PCDH9: variants seen among roughly 807,000 people sequenced by gnomAD.
PCDH9 encodes the protein protocadherin-9.
In PCDH9, 24 loss-of-function variants were observed where a neutral mutation model predicts 70.6. The observed-to-expected ratio is 0.34, with a 90% CI of 0.25 to 0.48. The LOEUF is 0.48. Among genes scored for constraint, PCDH9 ranks in the 20% least tolerant of loss-of-function variants. PCDH9 has a pLI of 0.99. For missense variants in PCDH9, 1,281 were observed against 1,503.6 expected (o/e 0.85, Z 2.45); for synonymous variants, 562 against 558.5 (o/e 1.01, Z -0.09).
chr13:66,373,311 A>C (rs1956691813), intron 4 of PCDH9, among the ~76,000 whole-genome samples: 1 of 151,984 alleles, frequency 6.6e-6, no homozygotes, highest in African/African-American at 2.4e-5. Context: ...AGAAAGTAGA[A>C]TGATGATTGC....
intron 4 of PCDH9, among the ~76,000 whole-genome samples, chr13:66,522,119 T>A (rs1357617406): frequency 6.6e-6 from 1 of 150,438 alleles, no homozygotes; most frequent in African/African-American, 2.4e-5. Flanking sequence ...CTCCTTTGGC[T>A]ATACTTTAAA....
rs1256783116 is a variant in PCDH9, at chr13:66,994,741, G to A, written c.3037-91136C>T. 4.6e-5 allele frequency among the ~76,000 whole-genome samples: 7 copies of A among 152,132 alleles called. No individual in the cohort carries two copies. The South Asian group carries it at 6.2e-4, about 13-fold the overall frequency. On this transcript the variant is annotated intron_variant, in intron 2 of 4. Transcript: ENST00000377865. The stretch of plus-strand genomic sequence containing the variant: ...CTCCTTTTTTGAGTCTCCTTTGAAA[G>A]AATCACTTCCTCGGTGCTTCAGTGA...
intron 2 of PCDH9, among the ~76,000 whole-genome samples, chr13:67,094,905 C>T (rs1403719976): frequency 6.6e-6 from 1 of 152,088 alleles, no homozygotes; most frequent in African/African-American, 2.4e-5. Context: ...CAGAATCTGG[C>T]CAAACTCTCC....
intron 4 of PCDH9, among the ~76,000 whole-genome samples, chr13:66,426,791 T>A (rs946827010): frequency 3.3e-5 from 5 of 151,628 alleles, no homozygotes; most frequent in Non-Finnish European, 5.9e-5. Flanking sequence ...CTTTAATATT[T>A]ATTACAATAG....
At chr13:66,739,826 C>A (rs1244109266) in intron 3 of PCDH9, among the ~76,000 whole-genome samples, 2 of 123,812 alleles carry the variant, frequency 1.6e-5, no homozygotes, top group Admixed American at 1.7e-4. Flanking sequence ...TACAGGAGCA[C>A]CCAGATTCAT....
intron 2 of PCDH9, among the ~76,000 whole-genome samples, chr13:66,931,610 T>G (rs1021000022): frequency 6.6e-6 from 1 of 152,104 alleles, no homozygotes; most frequent in Non-Finnish European, 1.5e-5. Flanking sequence ...ATGCTATCAC[T>G]CATAGAATTT....
At chr13:66,675,956 A>G (rs1301500527) in intron 3 of PCDH9, among the ~76,000 whole-genome samples, 1 of 152,154 alleles carries the variant, frequency 6.6e-6, no homozygotes, top group Non-Finnish European at 1.5e-5. Flanking sequence ...ATATTCGTGC[A>G]TTACACGAAG....
At chr13:66,736,358 C>T (rs908143332) in intron 3 of PCDH9, among the ~76,000 whole-genome samples, 1 of 152,150 alleles carries the variant, frequency 6.6e-6, no homozygotes, top group Non-Finnish European at 1.5e-5. Context: ...CCCAAAGGGA[C>T]ACCAGGTATG....
chr13:66,610,178 A>G (rs565699448), intron 4 of PCDH9, among the ~76,000 whole-genome samples: 43 of 152,072 alleles, frequency 2.8e-4, no homozygotes, highest in Non-Finnish European at 4.4e-4. Flanking sequence ...TAATGCATCA[A>G]ATATCCACAC....
chr13:67,088,253 A>G (rs1032180673), intron 2 of PCDH9, among the ~76,000 whole-genome samples: 2 of 151,990 alleles, frequency 1.3e-5, no homozygotes, highest in African/African-American at 4.8e-5. Context: ...ATCTCAAATC[A>G]TTTTAGATTG....
chr13:66,607,919 A>C (rs1460317599), intron 4 of PCDH9, among the ~76,000 whole-genome samples: 1 of 152,138 alleles, frequency 6.6e-6, no homozygotes, highest in Non-Finnish European at 1.5e-5. Flanking sequence ...AAGTGAAGAG[A>C]TGTGAATGAA....
intron 2 of PCDH9, among the ~76,000 whole-genome samples, chr13:67,045,471 C>G (rs2085205643): frequency 6.6e-6 from 1 of 151,850 alleles, no homozygotes; most frequent in Admixed American, 6.6e-5. Flanking sequence ...AACTTTGTCT[C>G]TCTCTCCACC....
At chr13:67,169,032 T>C (rs900013001) in intron 2 of PCDH9, among the ~76,000 whole-genome samples, 2 of 152,330 alleles carry the variant, frequency 1.3e-5, no homozygotes, top group Admixed American at 1.3e-4. Context: ...TCTTCTCACT[T>C]ACATATTCAT....
At chr13:67,048,754 C>A (rs1034162572) in intron 2 of PCDH9, among the ~76,000 whole-genome samples, 1 of 152,200 alleles carries the variant, frequency 6.6e-6, no homozygotes, top group Non-Finnish European at 1.5e-5. Context: ...ACAGACAGGG[C>A]CTCTGCCTTA....
At chr13:66,904,605 AT>A (rs1463473282) in intron 2 of PCDH9, among the ~76,000 whole-genome samples, 1 of 151,988 alleles carries the variant, frequency 6.6e-6, no homozygotes, top group East Asian at 1.9e-4. Context: ...CAAAGAGACT[AT>A]TCTTTTCAAA....
Position 67,053,347 on chromosome 13 carries a change from A to T in PCDH9, c.3037-149742T>A, listed in dbSNP as rs138669008. Among the ~76,000 whole-genome samples the T allele has an allele frequency of 2.9e-3, 449 of 152,344 alleles. 6 individuals are homozygous for T. The highest frequency in any genetic ancestry group is 0.01 in the African/African-American group (421 of 41,582). ...AGAAGCATAAGGATATGAAAGCCACAAATAGCACAGACGAAACAGGACATA... is the reference window on the plus strand; with the variant it reads ...AGAAGCATAAGGATATGAAAGCCACTAATAGCACAGACGAAACAGGACATA... On this transcript the variant is annotated intron_variant, in intron 2 of 4. Transcript: ENST00000377865.
intron 2 of PCDH9, among the ~76,000 whole-genome samples, chr13:66,939,481 A>G (rs1462130053): frequency 1.3e-5 from 2 of 148,396 alleles, no homozygotes. Flanking sequence ...TCTGTTGCCC[A>G]GGGTGCAATG....
chr13:66,574,754 C>A (rs1451384738), intron 4 of PCDH9, among the ~76,000 whole-genome samples: 1 of 152,168 alleles, frequency 6.6e-6, no homozygotes, highest in Non-Finnish European at 1.5e-5. Context: ...TCATTCTCGC[C>A]CTTCAACAAA....
intron 4 of PCDH9, among the ~76,000 whole-genome samples, chr13:66,577,180 A>G (rs2076827124): frequency 6.6e-6 from 1 of 151,892 alleles, no homozygotes; most frequent in South Asian, 2.1e-4. Context: ...CTACTAACAA[A>G]TAAATATATA....
Sources: gnomAD v4.1 joint callset for allele counts (sites outside exome capture counted in the v4.1 genomes callset) on GRCh38, gnomAD v4.1.1 for gene constraint, MANE v1.5 for transcripts, NCBI Gene and HGNC (gene_info 2026-07-23, HGNC 2026-07-21) for gene names.